ITPRID1: variants seen among roughly 807,000 people sequenced by gnomAD.
The protein encoded by ITPRID1 is protein ITPRID1.
In ITPRID1, 96 loss-of-function variants were observed where a neutral mutation model predicts 95.4. The observed-to-expected ratio is 1.01, with a 90% CI of 0.85 to 1.19. The LOEUF (loss-of-function observed/expected upper bound fraction) is 1.19, where lower values mean the gene tolerates loss of function less well. Among genes scored for constraint, ITPRID1 ranks in the 50% most tolerant of loss-of-function variants. The pLI is 0.00. For missense variants in ITPRID1, 1,339 were observed against 1,252.9 expected, an observed-to-expected ratio of 1.07 and a Z score of -1.04; for synonymous variants, 510 against 453.6, an observed-to-expected ratio of 1.12 and a Z score of -1.58.
At chr7:31,555,072 T>C (rs1185909607) in intron 5 of ITPRID1, 171 bp downstream of exon 5, 1 of 575,480 alleles carries the variant, frequency 1.7e-6, no homozygotes, top group African/African-American at 1.9e-5. Context: ...GCGACAAAAA[T>C]GATAGGTGCT....
intron 13 of ITPRID1, 67 bp from the exon 14 acceptor site, chr7:31,651,872 G>A (rs939046783): frequency 9.1e-7 from 1 of 1,098,818 alleles, no homozygotes; most frequent in African/African-American, 1.6e-5. Flanking sequence ...ATATTATGAG[G>A]TGACAATGGA....
In ITPRID1 at chr7:31,636,078, C is replaced by T. The variant is rs186958917; in HGVS notation, c.1229-6098C>T. On this transcript the variant is annotated intron_variant, in intron 10 of 14. Transcript: ENST00000615280. ...AGAATGAGAGCTAGCAGGGGAAATG[C>T]CAGATGCTTATAAAACCATCAGATC... is the stretch of plus-strand genomic sequence containing the variant. Among the ~76,000 whole-genome samples, 3 of 152,210 alleles carry T rather than the reference C, an allele frequency of 2.0e-5. No homozygotes were observed. In the East Asian group the frequency reaches 5.8e-4, roughly 29 times the overall value.
downstream of ITPRID1, among the ~76,000 whole-genome samples, chr7:31,657,530 G>A (rs891614427): frequency 2.6e-5 from 4 of 152,166 alleles, no homozygotes; most frequent in Admixed American, 2.0e-4. Context: ...CCACCACATA[G>A]GAATGCTTTT....
chr7:31,642,146 A>G (rs1484103394), intron 10 of ITPRID1, 30 bp from the exon 11 acceptor site: 4 of 1,517,538 alleles, frequency 2.6e-6, no homozygotes, highest in Non-Finnish European at 3.6e-6. Context: ...TTTTCCCTTT[A>G]ATAACCTCAA....
chr7:31,578,214 C>A lies in ITPRID1; in HGVS notation c.950C>A (p.Ser317Tyr). The change falls in exon 9 of 15, where the codon TCT (serine) becomes TAT (tyrosine). Residue 317 changes from serine (S) to tyrosine (Y), a missense_variant. Ser to Tyr is a moderately radical substitution (Grantham distance 144). Transcript: ENST00000615280. ...NHLSLSVEHQ[S>Y]LQACDDLLPY... ...TTGTCTCTGTCAGTAGAACATCAGT[C>A]TCTCCAAGCCTGTGATGATTTGCTA... 1 of 1,613,376 alleles carries A rather than the reference C, an allele frequency of 6.2e-7. No individual in the cohort carries two copies. The highest frequency in any genetic ancestry group is 8.5e-7 in the Non-Finnish European group (1 of 1,179,534).
At chr7:31,535,825 T>C (rs1158599675) in intron 1 of ITPRID1, among the ~76,000 whole-genome samples, 1 of 152,102 alleles carries the variant, frequency 6.6e-6, no homozygotes, top group Non-Finnish European at 1.5e-5. Context: ...TCTGGCCTTT[T>C]TTTGCTCCTG....
At chr7:31,632,480 T>C (rs1201930629) in intron 10 of ITPRID1, among the ~76,000 whole-genome samples, 4 of 152,054 alleles carry the variant, frequency 2.6e-5, no homozygotes, top group Non-Finnish European at 5.9e-5. Context: ...AAATTATCCA[T>C]GACAGGATGG....
chr7:31,554,495 A>C lies in ITPRID1; in HGVS notation c.184A>C (p.Ile62Leu). The C allele has an allele frequency of 6.2e-7, 1 of 1,613,040 alleles. No individual in the cohort carries two copies. The highest frequency in any genetic ancestry group is 8.5e-7 in the Non-Finnish European group (1 of 1,179,414). ...PMLEDSKQESIQQWLDSGFFV... is the reference protein window; with the variant it reads ...PMLEDSKQESLQQWLDSGFFV... Reference sequence around the variant, plus strand: ...TGTAGAAGATTCCAAGCAAGAAAGTATTCAGCAGTGGCTGGACTCTGGATT... The same window carrying C: ...TGTAGAAGATTCCAAGCAAGAAAGTCTTCAGCAGTGGCTGGACTCTGGATT... Residue 62 changes from isoleucine (I) to leucine (L), a missense_variant, in exon 4 of 15, where the codon ATT becomes CTT. Transcript: ENST00000615280.
chr7:31,585,330 A>T (rs879889922), intron 10 of ITPRID1, among the ~76,000 whole-genome samples: 1 of 152,150 alleles, frequency 6.6e-6, no homozygotes, highest in Non-Finnish European at 1.5e-5. Flanking sequence ...CTAGCAGAAA[A>T]ATTATGTTTA....
At chr7:31,532,230 G>A (rs1350843994) in intron 1 of ITPRID1, among the ~76,000 whole-genome samples, 2 of 151,926 alleles carry the variant, frequency 1.3e-5, no homozygotes, top group African/African-American at 4.8e-5. Flanking sequence ...TTTAATATTG[G>A]ATATTTGAAT....
At chr7:31,651,896 G>A (rs1309227157) in intron 13 of ITPRID1, 43 bp from the exon 14 acceptor site, 2 of 1,398,292 alleles carry the variant, frequency 1.4e-6, no homozygotes, top group Non-Finnish European at 2.0e-6. Context: ...TTGCACCTGG[G>A]AAGGATTGTT....
At chr7:31,563,956 A>T (rs10258382) in intron 5 of ITPRID1, among the ~76,000 whole-genome samples, 21,587 of 152,168 alleles carry the variant, frequency 0.14, 1,892 homozygotes, top group Non-Finnish European at 0.19. Context: ...TGCCTCTACT[A>T]AGTGTCCCAG....
In ITPRID1 at chr7:31,514,103, G is replaced by A. The variant is rs1245919184; in HGVS notation, c.-115G>A. The stretch of plus-strand genomic sequence containing the variant: ...TCAGGAACTTTCAGATGGCTCAGGA[G>A]TGGAGCTTTTGTGGCAGGTGGGTAG... On this transcript the variant is annotated 5_prime_UTR_variant, in exon 1 of 15. The change creates a new upstream start codon in the 5' untranslated region. Coordinates refer to ENST00000615280, the MANE Select transcript of ITPRID1 (RefSeq NM_001257967.3). 1 of 152,466 alleles carries A rather than the reference G, an allele frequency of 6.6e-6. No homozygotes were observed. Among genetic ancestry groups the A allele is most frequent in the South Asian group, 2.1e-4 (1 of 4,824 alleles). 9.4% of individuals were successfully genotyped at this position (152,466 alleles called of 1,614,324 possible). A position where few individuals can be genotyped will look rare whatever the true frequency, so the allele number is the denominator to read the frequency against.
intron 10 of ITPRID1, among the ~76,000 whole-genome samples, chr7:31,635,689 C>A (rs1214540822): frequency 6.6e-6 from 1 of 151,902 alleles, no homozygotes; most frequent in African/African-American, 2.4e-5. Context: ...AAGAAATACC[C>A]AAGACTGGGT....
intron 5 of ITPRID1, among the ~76,000 whole-genome samples, chr7:31,555,799 G>A (rs993886045): frequency 4.6e-5 from 7 of 152,064 alleles, no homozygotes; most frequent in Admixed American, 1.3e-4. Context: ...AAGACTGACC[G>A]TTGGCTACAA....
chr7:31,620,709 T>C (rs1249194279), intron 10 of ITPRID1, among the ~76,000 whole-genome samples: 1 of 151,884 alleles, frequency 6.6e-6, no homozygotes, highest in Non-Finnish European at 1.5e-5. Flanking sequence ...GCACCTCTCC[T>C]CCTCCAAAGG....
chr7:31,539,319 G>A (rs541429926), intron 1 of ITPRID1, among the ~76,000 whole-genome samples: 1 of 152,150 alleles, frequency 6.6e-6, no homozygotes, highest in South Asian at 2.1e-4. Flanking sequence ...CAAGTAGCTG[G>A]GACTACAGGC....
chr7:31,540,634 G>A (rs1165601000), intron 1 of ITPRID1, among the ~76,000 whole-genome samples: 1 of 152,128 alleles, frequency 6.6e-6, no homozygotes, highest in Non-Finnish European at 1.5e-5. Flanking sequence ...ATAATTATTT[G>A]TTACATAGTC....
At chr7:31,577,665 C>G (rs936552382) in intron 8 of ITPRID1, among the ~76,000 whole-genome samples, 198 bp from the exon 9 acceptor site, 1 of 152,152 alleles carries the variant, frequency 6.6e-6, no homozygotes, top group African/African-American at 2.4e-5. Context: ...CCCCATAACA[C>G]AGCAAAATCT....
Sources: allele counts gnomAD v4.1 joint callset (sites outside exome capture counted in the v4.1 genomes callset), GRCh38; gene constraint gnomAD v4.1.1; transcripts MANE v1.5; gene names NCBI Gene and HGNC (gene_info 2026-07-23, HGNC 2026-07-21).